Variants in PLAAT4 observed in about 807,000 individuals in gnomAD.
PLAAT4 encodes the protein HRAS-like suppressor 4.
In PLAAT4, 12 loss-of-function variants were observed where a neutral mutation model predicts 14.1. The observed-to-expected ratio is 0.85, with a 90% CI of 0.54 to 1.37. PLAAT4 has a LOEUF of 1.37. PLAAT4 is among the 40% of genes most tolerant of loss of function. PLAAT4 has a pLI of 0.00. For synonymous variants in PLAAT4, 77 were observed against 79.8 expected (o/e 0.96, Z 0.19); for missense variants, 163 against 211.7 (o/e 0.77, Z 1.43).
At position 63,536,877 on chromosome 11, in the gene PLAAT4, G is replaced by C. The variant is rs1170202185; in HGVS notation, c.9G>C (p.Ser3=). MA[S]PHQEPKPGDL... ...CTCCTCTTGGCTTCGAGATGGCTTC[G>C]GTAAGTTTCCCAGGGCTTTGCATTA... The change falls in exon 1 of 4, where the codon TCG becomes TCC. Residue 3 remains serine, a splice_region_variant and synonymous_variant. Transcript: ENST00000255688. 5.6e-6 allele frequency: 9 copies of C among 1,612,570 alleles called. No individual in the cohort carries two copies. Among genetic ancestry groups the C allele is most frequent in the Admixed American group, 1.7e-5 (1 of 59,828 alleles).
At chr11:63,538,441 C>T (rs1324578528) in intron 1 of PLAAT4, 2 of 344,500 alleles carry the variant, frequency 5.8e-6, no homozygotes, top group Non-Finnish European at 1.2e-5. Context: ...TTGACAAGCA[C>T]ACCAACAAGG....
At chr11:63,539,410 A>G in intron 1 of PLAAT4, 106 bp from the exon 2 acceptor site, 1 of 885,714 alleles carries the variant, frequency 1.1e-6, no homozygotes, top group Non-Finnish European at 1.9e-6. Flanking sequence ...CTAGCAGCTG[A>G]TGAACATCAG....
rs758183850 is a variant in PLAAT4 at position 63,539,623 on chromosome 11, A to G, written c.117A>G (p.Pro39=). The change falls in exon 2 of 4, where the codon CCA becomes CCG. Residue 39 remains proline (P), a splice_region_variant and synonymous_variant. Transcript: ENST00000255688. ...GCTACGTGATCCATCTGGCTCCTCCAAGTAAGGACTGATGAATATATAATT... is the reference window on the plus strand; with the variant it reads ...GCTACGTGATCCATCTGGCTCCTCCGAGTAAGGACTGATGAATATATAATT... ...GDGYVIHLAP[P]SEYPGAGSSS... 1.9e-6 allele frequency: 3 copies of G among 1,593,834 alleles called. No homozygotes were observed. The highest frequency in any genetic ancestry group is 2.2e-5 in the South Asian group (2 of 90,560).
chr11:63,541,656 T>C (rs996373159), intron 2 of PLAAT4, among the ~76,000 whole-genome samples: 7 of 151,530 alleles, frequency 4.6e-5, no homozygotes, highest in Non-Finnish European at 8.8e-5. Flanking sequence ...TAATAAATGG[T>C]ATGAATATAT....
intron 3 of PLAAT4, chr11:63,545,196 T>C: frequency 1.7e-6 from 1 of 585,800 alleles, no homozygotes; most frequent in Admixed American, 3.0e-5. Flanking sequence ...CAGGAGAATC[T>C]GGGCCAACCC....
intron 1 of PLAAT4, 134 bp from the exon 2 acceptor site, chr11:63,539,382 G>A (rs1363775638): frequency 2.7e-6 from 2 of 731,652 alleles, no homozygotes; most frequent in Non-Finnish European, 4.9e-6. Flanking sequence ...TGACAGCAGG[G>A]CTGAGGATCT....
chr11:63,544,103 C>T (rs2017342857), intron 2 of PLAAT4, among the ~76,000 whole-genome samples: 1 of 152,058 alleles, frequency 6.6e-6, no homozygotes. Context: ...GATCTTTTTC[C>T]GAAACACAAG....
At position 63,544,745 on chromosome 11, in the gene PLAAT4, C is replaced by T; in HGVS notation, c.243C>T (p.Asp81=). 6.2e-7 allele frequency: 1 copy of T among 1,614,202 alleles called. No individual in the cohort carries two copies. The highest frequency in any genetic ancestry group is 1.1e-5 in the South Asian group (1 of 91,084). ...GCCYRVNNSL[D]HEYQPRPVEV... is the part of the protein sequence containing the mutation. ...GCTATCGGGTCAACAACAGCTTGGA[C>T]CATGAGTACCAACCACGGCCCGTGG... The change falls in exon 3 of 4, where the codon GAC becomes GAT. Residue 81 remains aspartate, a synonymous_variant. Coordinates refer to ENST00000255688, the MANE Select transcript of PLAAT4 (RefSeq NM_004585.5).
intron 3 of PLAAT4, 126 bp downstream of exon 3, chr11:63,545,015 G>A (rs764483178): frequency 1.3e-4 from 171 of 1,357,188 alleles, no homozygotes; most frequent in Middle Eastern, 1.1e-3. Flanking sequence ...TGAGAGTCAG[G>A]ACCTCTGAGC....
chr11:63,539,530 C>T lies in PLAAT4; in HGVS notation c.24C>T (p.Pro8=). 6.2e-7 allele frequency: 1 copy of T among 1,614,002 alleles called. No individual in the cohort carries two copies. Among genetic ancestry groups the T allele is most frequent in the South Asian group, 1.1e-5 (1 of 91,084 alleles). Reference sequence around the variant, plus strand: ...TTCTGTTGCAGCCACACCAAGAGCCCAAACCTGGAGACCTGATTGAGATTT... The same window carrying T: ...TTCTGTTGCAGCCACACCAAGAGCCTAAACCTGGAGACCTGATTGAGATTT... MASPHQE[P]KPGDLIEIFR... Residue 8 remains proline, a synonymous_variant, in exon 2 of 4, where the codon CCC becomes CCT. Transcript: ENST00000255688.
intron 2 of PLAAT4, among the ~76,000 whole-genome samples, chr11:63,543,867 A>T (rs1404366529): frequency 3.9e-5 from 6 of 152,254 alleles, no homozygotes. Context: ...GGGTCAGCCC[A>T]GTGCAGTGGA....
At chr11:63,541,337 G>A (rs967238289) in intron 2 of PLAAT4, among the ~76,000 whole-genome samples, 2 of 152,008 alleles carry the variant, frequency 1.3e-5, no homozygotes, top group Non-Finnish European at 2.9e-5. Flanking sequence ...GGCTACAGGC[G>A]CATGCCACCA....
At chr11:63,538,838 G>C (rs958200845) in intron 1 of PLAAT4, among the ~76,000 whole-genome samples, 45 of 152,248 alleles carry the variant, frequency 3.0e-4, no homozygotes, top group Admixed American at 2.5e-3. Context: ...GCCTTCCCCT[G>C]GGGCTGTGGA....
intron 3 of PLAAT4, 107 bp from the exon 4 acceptor site, chr11:63,546,042 G>C: frequency 1.1e-6 from 1 of 887,128 alleles, no homozygotes; most frequent in African/African-American, 1.7e-5. Context: ...CAGGCCTTAG[G>C]GGAGGCAGGA....
intron 2 of PLAAT4, among the ~76,000 whole-genome samples, chr11:63,542,917 G>C (rs1351187614): frequency 1.3e-5 from 2 of 152,094 alleles, no homozygotes; most frequent in Non-Finnish European, 2.9e-5. Context: ...AACTAACCTA[G>C]GAGAAAGCTT....
intron 1 of PLAAT4, chr11:63,538,355 C>A: frequency 5.4e-6 from 2 of 372,576 alleles, no homozygotes; most frequent in East Asian, 1.1e-4. Context: ...GGACAGGAGG[C>A]AGGGGCTGGT....
chr11:63,546,001 C>T, intron 3 of PLAAT4, 148 bp from the exon 4 acceptor site: 1 of 717,364 alleles, frequency 1.4e-6, no homozygotes, highest in Non-Finnish European at 2.4e-6. Context: ...GGATTCTGAG[C>T]CAGCCAGCTG....
chr11:63,546,370 C>A lies in PLAAT4; in HGVS notation c.*114C>A. The A allele has an allele frequency of 2.3e-6, 2 of 887,616 alleles. No individual in the cohort carries two copies. The highest frequency in any genetic ancestry group is 1.5e-5 in the South Asian group (1 of 67,460). 55.0% of individuals were successfully genotyped at this position (887,616 alleles called of 1,614,324 possible). On this transcript the variant is annotated 3_prime_UTR_variant, in exon 4 of 4. Transcript: ENST00000255688. The stretch of plus-strand genomic sequence containing the variant: ...GCCCTGTCTCAGGCGTTCTCTAGAT[C>A]CTTTCCTCTGTTTCCCTCTCTCGCT...
At chr11:63,540,745 G>T (rs2017315140) in intron 2 of PLAAT4, among the ~76,000 whole-genome samples, 1 of 152,178 alleles carries the variant, frequency 6.6e-6, no homozygotes, top group African/African-American at 2.4e-5. Flanking sequence ...AGAATTGCTT[G>T]AACCTGGGAG....
Sources: allele counts gnomAD v4.1 joint callset (sites outside exome capture counted in the v4.1 genomes callset), GRCh38; gene constraint gnomAD v4.1.1; transcripts MANE v1.5; gene names NCBI Gene and HGNC (gene_info 2026-07-23, HGNC 2026-07-21).